ECPAS: variants seen among roughly 807,000 people sequenced by gnomAD.
ECPAS encodes Ecm29 proteasome adaptor and scaffold, also known as proteasome adapter and scaffold protein ECM29.
A neutral mutation model predicts 255.1 loss-of-function variants in ECPAS; 70 were observed. That is an observed-to-expected ratio of 0.27 (90% CI 0.23 to 0.33). The LOEUF is 0.33. Ranked by LOEUF, ECPAS falls within the 10% of genes least tolerant of loss-of-function variation. The pLI is 1.00. For synonymous variants in ECPAS, 784 were observed against 775.0 expected, an observed-to-expected ratio of 1.01 and a Z score of -0.19; for missense variants, 1,817 against 2,206.4, an observed-to-expected ratio of 0.82 and a Z score of 3.54.
chr9:111,361,708 T>C lies in ECPAS; in HGVS notation c.*322A>G, dbSNP rs1467101414. On this transcript the variant is annotated 3_prime_UTR_variant, in exon 50 of 50. Transcript: ENST00000684092. ...TTTGAATGCAGTTCTAAGATTTTTA[T>C]CCAGCTTGCTCTGCAACTCTGTCTA... 1 of 177,064 alleles carries C rather than the reference T, an allele frequency of 5.6e-6. No individual in the cohort carries two copies. Among genetic ancestry groups the C allele is most frequent in the African/African-American group, 2.4e-5 (1 of 42,390 alleles). 11.0% of individuals were successfully genotyped at this position (177,064 alleles called of 1,614,324 possible). A position where few individuals can be genotyped will look rare whatever the true frequency, so the allele number is the denominator to read the frequency against.
chr9:111,444,906 G>C (rs1223355636), intron 3 of ECPAS, among the ~76,000 whole-genome samples: 2 of 151,498 alleles, frequency 1.3e-5, no homozygotes, highest in African/African-American at 4.9e-5. Context: ...ATGTTGGCCA[G>C]GCTGGTCTCG....
chr9:111,429,849 A>G (rs1345137623), intron 9 of ECPAS, among the ~76,000 whole-genome samples: 1 of 152,196 alleles, frequency 6.6e-6, no homozygotes, highest in Non-Finnish European at 1.5e-5. Context: ...AACAAAAAAG[A>G]GCAAGAATGC....
rs1022810961 is a variant in ECPAS, at chr9:111,425,838, A to G, written c.1051-10T>C. Reference sequence around the variant, plus strand: ...GTCCATCATACACCACCTATGTAAAATGAAGAGTTGAGAACATCAATTAAT... The same window carrying G: ...GTCCATCATACACCACCTATGTAAAGTGAAGAGTTGAGAACATCAATTAAT... On this transcript the variant is annotated splice_polypyrimidine_tract_variant and intron_variant, in intron 10 of 49. Coordinates refer to ENST00000684092, the MANE Select transcript of ECPAS (RefSeq NM_001364929.1). The G allele has an allele frequency of 1.5e-6, 2 of 1,355,398 alleles. No individual in the cohort carries two copies. Among genetic ancestry groups the G allele is most frequent in the African/African-American group, 2.9e-5 (2 of 69,494 alleles). The allele number at this position is 1,355,398 out of a possible 1,614,324, so 84.0% of individuals were successfully genotyped here.
chr9:111,446,501 C>T (rs1005088356), intron 3 of ECPAS, among the ~76,000 whole-genome samples: 2 of 151,562 alleles, frequency 1.3e-5, no homozygotes, highest in Admixed American at 6.6e-5. Context: ...TGTTTGACAC[C>T]GACAGCAAAA....
intron 31 of ECPAS, among the ~76,000 whole-genome samples, chr9:111,386,719 C>A (rs1009960007): frequency 6.6e-6 from 1 of 152,224 alleles, no homozygotes; most frequent in African/African-American, 2.4e-5. Flanking sequence ...TTCACCCAGG[C>A]ATGCACACAA....
chr9:111,471,434 T>G (rs1432443727), intron 2 of ECPAS, among the ~76,000 whole-genome samples: 3 of 152,136 alleles, frequency 2.0e-5, no homozygotes, highest in African/African-American at 7.2e-5. Flanking sequence ...CCTAAATGAA[T>G]AAGACATTTT....
At chr9:111,430,271 T>C (rs561603267) in intron 9 of ECPAS, among the ~76,000 whole-genome samples, 1 of 152,168 alleles carries the variant, frequency 6.6e-6, no homozygotes, top group Non-Finnish European at 1.5e-5. Flanking sequence ...TGAGAGACCA[T>C]AAGGCCTGCA....
At chr9:111,375,721 C>G (rs1013281890) in intron 37 of ECPAS, among the ~76,000 whole-genome samples, 4 of 151,962 alleles carry the variant, frequency 2.6e-5, no homozygotes, top group African/African-American at 9.7e-5. Flanking sequence ...TTTTTATTTC[C>G]CCCCAATAAT....
At chr9:111,381,610 A>G (rs746011399) in intron 35 of ECPAS, among the ~76,000 whole-genome samples, 6 of 152,238 alleles carry the variant, frequency 3.9e-5, no homozygotes, top group Non-Finnish European at 7.3e-5. Context: ...CTAACGACAC[A>G]TTTCTCAGAA....
At position 111,391,682 on chromosome 9, in the gene ECPAS, C is replaced by T. The variant is rs1250027507; in HGVS notation, c.3161+74G>A. On this transcript the variant is annotated intron_variant, in intron 29 of 49. Coordinates refer to ENST00000684092, the MANE Select transcript of ECPAS (RefSeq NM_001364929.1). ...AGGGTAGAAATCAACTTCATGACTG[C>T]TCTATTTACCAGACTAATAAATGCA... The T allele has an allele frequency of 1.2e-5, 11 of 910,744 alleles. 1 individual carries two copies. The East Asian group carries it at 2.4e-4, about 20-fold the overall frequency. 56.4% of individuals were successfully genotyped at this position (910,744 alleles called of 1,614,324 possible).
chr9:111,362,218 A>G, intron 49 of ECPAS, 49 bp from the exon 50 acceptor site: 4 of 1,477,160 alleles, frequency 2.7e-6, no homozygotes, highest in Admixed American at 2.5e-5. Flanking sequence ...AAACAAAGCA[A>G]AAAGAAAAAA....
chr9:111,393,646 A>C (rs1300779125), intron 27 of ECPAS, 34 bp downstream of exon 27: 3 of 1,343,676 alleles, frequency 2.2e-6, no homozygotes, highest in Admixed American at 3.7e-5. Flanking sequence ...ATACAAGTTC[A>C]ATTAAGTTTA....
chr9:111,370,175 G>A (rs1006255622), intron 45 of ECPAS, among the ~76,000 whole-genome samples: 9 of 152,154 alleles, frequency 5.9e-5, no homozygotes, highest in Non-Finnish European at 1.3e-4. Flanking sequence ...CAAACACACT[G>A]TGGACCATGA....
intron 20 of ECPAS, among the ~76,000 whole-genome samples, chr9:111,413,693 A>G (rs372609409): frequency 1.4e-4 from 21 of 152,238 alleles, no homozygotes; most frequent in African/African-American, 5.1e-4. Flanking sequence ...ATGCTTCTCA[A>G]TTCATCTCCC....
chr9:111,401,092 G>GA (rs1372139766), intron 24 of ECPAS, among the ~76,000 whole-genome samples: 1 of 152,016 alleles, frequency 6.6e-6, no homozygotes, highest in East Asian at 1.9e-4. Context: ...AGGAGGGAGT[G>GA]AAATAACATA....
intron 2 of ECPAS, among the ~76,000 whole-genome samples, chr9:111,459,865 T>C (rs1316208857): frequency 2.0e-5 from 3 of 152,180 alleles, no homozygotes; most frequent in Non-Finnish European, 4.4e-5. Context: ...CGCTGGTAAA[T>C]TCTCCTTCAT....
chr9:111,378,742 T>C lies in ECPAS; in HGVS notation c.3804-12A>G, dbSNP rs183563586. The C allele has an allele frequency of 1.9e-4, 301 of 1,602,380 alleles. 1 individual carries two copies. The East Asian group carries it at 4.6e-3, about 25-fold the overall frequency. ...CAAGGGTGTTAATGCTACAAACATATGGAACACAACTCCTGAGTCCTTTTA... is the reference window on the plus strand; with the variant it reads ...CAAGGGTGTTAATGCTACAAACATACGGAACACAACTCCTGAGTCCTTTTA... On this transcript the variant is annotated splice_polypyrimidine_tract_variant and intron_variant, in intron 35 of 49. Transcript: ENST00000684092.
Position 111,412,145 on chromosome 9 carries a change from G to T in ECPAS, c.2083C>A (p.Leu695Met). The T allele has an allele frequency of 6.4e-7, 1 of 1,568,946 alleles. No individual in the cohort carries two copies. ...ATTTCTTCTTTACTGTTATTCATCA[G>T]ACTCTGAGCAGTATAAAAAAAAAAC... Reference protein sequence around the residue: ...FVDKTEWIKSLMNNSKEEMRE... With the variant: ...FVDKTEWIKSMMNNSKEEMRE... Residue 695 changes from leucine (L) to methionine (M), a missense_variant, in exon 21 of 50, where the codon CTG becomes ATG. Leu to Met is a conservative substitution (Grantham distance 15). This residue lies in a region of ECPAS where 573 missense variants were observed against 716.2 expected (regional missense o/e 0.80). Coordinates refer to ENST00000684092, the MANE Select transcript of ECPAS (RefSeq NM_001364929.1).
chr9:111,397,980 T>C (rs546731839), intron 24 of ECPAS, among the ~76,000 whole-genome samples: 95 of 152,224 alleles, frequency 6.2e-4, no homozygotes, highest in East Asian at 1.9e-4. Flanking sequence ...CTAGTAGGAG[T>C]CACTGACCCA....
Sources: allele counts gnomAD v4.1 joint callset (sites outside exome capture counted in the v4.1 genomes callset), GRCh38; gene constraint gnomAD v4.1.1; regional missense constraint gnomAD v4.1.1; transcripts MANE v1.5; gene names NCBI Gene and HGNC (gene_info 2026-07-23, HGNC 2026-07-21).